The following ATP10B variants were observed in gnomAD, a reference collection of about 807,000 sequenced individuals.
The protein encoded by ATP10B is phospholipid-transporting ATPase VB.
ATP10B carries 122 observed loss-of-function variants against 141.2 expected under a neutral mutation model. That is an observed-to-expected ratio of 0.86 (90% CI 0.75 to 1.00). The LOEUF is 1.00. Among genes scored for constraint, ATP10B ranks in the 50% least tolerant of loss-of-function variants. ATP10B has a pLI of 0.00. For synonymous variants in ATP10B, 685 were observed against 692.0 expected (o/e 0.99, Z 0.16); for missense variants, 1,876 against 1,825.3 (o/e 1.03, Z -0.51).
intron 2 of ATP10B, among the ~76,000 whole-genome samples, chr5:160,782,041 C>T (rs903591373): frequency 1.3e-5 from 2 of 152,082 alleles, no homozygotes; most frequent in Non-Finnish European, 2.9e-5. Flanking sequence ...AAAAGAGATA[C>T]TGGGGGTTGA....
chr5:160,741,059 C>T (rs1251795714), intron 2 of ATP10B, among the ~76,000 whole-genome samples: 1 of 152,198 alleles, frequency 6.6e-6, no homozygotes, highest in Non-Finnish European at 1.5e-5. Context: ...CATATTTATT[C>T]TGCAAGCAAT....
chr5:160,828,720 G>T (rs1774822718), intron 1 of ATP10B, among the ~76,000 whole-genome samples: 1 of 151,878 alleles, frequency 6.6e-6, no homozygotes, highest in Non-Finnish European at 1.5e-5. Context: ...TGTACCCAAA[G>T]GACTATAAAT....
At chr5:160,580,338 A>T (rs1241953968) in intron 24 of ATP10B, among the ~76,000 whole-genome samples, 2 of 152,228 alleles carry the variant, frequency 1.3e-5, no homozygotes, top group African/African-American at 4.8e-5. Flanking sequence ...GATACGTTCC[A>T]TCAATACCTA....
At chr5:160,749,381 C>G (rs1768003351) in intron 2 of ATP10B, among the ~76,000 whole-genome samples, 1 of 152,180 alleles carries the variant, frequency 6.6e-6, no homozygotes, top group Non-Finnish European at 1.5e-5. Flanking sequence ...GGCAGGGCCA[C>G]AGGAAGAAGG....
intron 1 of ATP10B, among the ~76,000 whole-genome samples, chr5:160,787,099 G>GACACAGAC (rs1287356065): frequency 1.0e-5 from 1 of 96,422 alleles, no homozygotes; most frequent in Non-Finnish European, 2.1e-5. Flanking sequence ...GAAGGGTTTT[G>GACACAGAC]ACACAGACAC....
chr5:160,666,698 A>ATCT (rs1762339113), intron 7 of ATP10B, among the ~76,000 whole-genome samples: 2 of 152,198 alleles, frequency 1.3e-5, no homozygotes, highest in Non-Finnish European at 2.9e-5. Context: ...CATACTCAGA[A>ATCT]ATCTTTCTGC....
At chr5:160,920,374 G>T in the ATP10B span, among the ~76,000 whole-genome samples, 8 of 152,164 alleles carry the variant, frequency 5.3e-5, no homozygotes, top group Admixed American at 1.3e-4. Context: ...AGGAAGAAAT[G>T]GGCTCAAAGC....
the ATP10B span, among the ~76,000 whole-genome samples, chr5:160,871,545 A>G: frequency 6.6e-6 from 1 of 151,782 alleles, no homozygotes; most frequent in African/African-American, 2.4e-5. Context: ...CCAAGTTCCC[A>G]AAGTCCATTG....
chr5:160,612,004 C>G (rs1238323111), intron 18 of ATP10B: 2 of 152,236 alleles, frequency 1.3e-5, no homozygotes, highest in Admixed American at 1.3e-4. Context: ...CCCCTAAAAT[C>G]AAAACGGTGT....
chr5:160,905,409 C>T, the ATP10B span, among the ~76,000 whole-genome samples: 1 of 152,184 alleles, frequency 6.6e-6, no homozygotes, highest in East Asian at 1.9e-4. Flanking sequence ...TTCATCTCCT[C>T]AAGTCCTGGG....
At chr5:160,888,964 A>C in the ATP10B span, among the ~76,000 whole-genome samples, 1 of 152,204 alleles carries the variant, frequency 6.6e-6, no homozygotes, top group Non-Finnish European at 1.5e-5. Context: ...ACAATGGCTT[A>C]AATAAACTCA....
chr5:160,923,125 C>T, the ATP10B span, among the ~76,000 whole-genome samples: 71,034 of 152,056 alleles, frequency 0.47, 17,006 homozygotes, highest in Non-Finnish European at 0.52. Flanking sequence ...GAGACAGAAG[C>T]TGTGCTTGCC....
At chr5:160,844,550 G>GA (rs759000008) in intron 1 of ATP10B, among the ~76,000 whole-genome samples, 1 of 143,366 alleles carries the variant, frequency 7.0e-6, no homozygotes, top group Non-Finnish European at 1.5e-5. Flanking sequence ...TAAATACTTT[G>GA]TTTTTTTTTT....
intron 1 of ATP10B, among the ~76,000 whole-genome samples, chr5:160,835,799 G>T (rs186211582): frequency 6.6e-6 from 1 of 152,120 alleles, no homozygotes; most frequent in African/African-American, 2.4e-5. Flanking sequence ...TACAAAAACA[G>T]CAGGTCCTTC....
In ATP10B at chr5:160,773,778, C is replaced by T. The variant is rs116108638; in HGVS notation, c.-331+11781G>A. ...AACATCCCACCTCTGTTCCACCGAG[C>T]AGTTACAAGGTATGTGGATATTCCT... On this transcript the variant is annotated intron_variant, in intron 2 of 25. Coordinates refer to ENST00000327245, the MANE Select transcript of ATP10B (RefSeq NM_025153.3). Among the ~76,000 whole-genome samples the T allele has an allele frequency of 2.7e-3, 404 of 152,262 alleles. 1 individual carries two copies. Among genetic ancestry groups the T allele is most frequent in the African/African-American group, 9.3e-3 (385 of 41,544 alleles).
At chr5:160,701,088 T>C (rs1338330557) in intron 3 of ATP10B, among the ~76,000 whole-genome samples, 2 of 152,176 alleles carry the variant, frequency 1.3e-5, no homozygotes, top group Non-Finnish European at 2.9e-5. Context: ...TGTGCTTACT[T>C]GGCCTCGTGA....
At chr5:160,716,765 G>T (rs182510970) in intron 3 of ATP10B, 144 bp downstream of exon 3, 4 of 505,278 alleles carry the variant, frequency 7.9e-6, no homozygotes, top group African/African-American at 2.1e-5. Flanking sequence ...GCGGGACCCC[G>T]TTTTTTCTGT....
chr5:160,925,347 C>A, the ATP10B span, among the ~76,000 whole-genome samples: 1 of 152,194 alleles, frequency 6.6e-6, no homozygotes, highest in African/African-American at 2.4e-5. Flanking sequence ...ACTATTTAAG[C>A]TCGTCATACC....
chr5:160,743,919 A>G (rs11135111), intron 2 of ATP10B, among the ~76,000 whole-genome samples: 15,858 of 152,068 alleles, frequency 0.1, 974 homozygotes, highest in African/African-American at 0.18. Context: ...GCTTCTAATC[A>G]TCCTATAATA....
Sources: gnomAD v4.1 joint callset for allele counts (sites outside exome capture counted in the v4.1 genomes callset) on GRCh38, gnomAD v4.1.1 for gene constraint, MANE v1.5 for transcripts, NCBI Gene and HGNC (gene_info 2026-07-23, HGNC 2026-07-21) for gene names.